Variants in TTC7B observed in about 807,000 individuals in gnomAD.
TTC7B encodes the protein tetratricopeptide repeat domain 7B, also known as tetratricopeptide repeat protein 7B.
Under a neutral mutation model 106.8 loss-of-function variants are expected in TTC7B, and 28 were observed. The observed-to-expected ratio is 0.26, with a 90% CI of 0.19 to 0.36. The LOEUF (loss-of-function observed/expected upper bound fraction) is 0.36, where lower values mean the gene tolerates loss of function less well. Ranked by LOEUF, TTC7B falls within the 10% of genes least tolerant of loss-of-function variation. TTC7B has a pLI of 1.00. For synonymous variants in TTC7B, 405 were observed against 430.6 expected, an observed-to-expected ratio of 0.94 and a Z score of 0.74; for missense variants, 862 against 1,076.4, an observed-to-expected ratio of 0.80 and a Z score of 2.79.
chr14:90,619,525 C>T (rs1893224049), intron 15 of TTC7B, among the ~76,000 whole-genome samples: 1 of 152,172 alleles, frequency 6.6e-6, no homozygotes, highest in Non-Finnish European at 1.5e-5. Context: ...CTTCTCTACT[C>T]AGTATGTGCC....
intron 15 of TTC7B, among the ~76,000 whole-genome samples, chr14:90,641,888 C>A (rs993076727): frequency 2.0e-5 from 3 of 151,842 alleles, no homozygotes; most frequent in Non-Finnish European, 4.4e-5. Context: ...AAGAAGGAAC[C>A]ATACCCTGGA....
At chr14:90,790,153 C>T (rs983772864) in intron 1 of TTC7B, among the ~76,000 whole-genome samples, 19 of 151,712 alleles carry the variant, frequency 1.3e-4, no homozygotes, top group Non-Finnish European at 2.2e-4. Context: ...TGTCTGTGTC[C>T]CTACAAAGAT....
At chr14:90,783,268 C>T (rs1340381447) in intron 2 of TTC7B, among the ~76,000 whole-genome samples, 1 of 152,222 alleles carries the variant, frequency 6.6e-6, no homozygotes, top group East Asian at 1.9e-4. Flanking sequence ...CTGGTCTTCC[C>T]AGCCTCAATT....
At position 90,663,565 on chromosome 14, in the gene TTC7B, C is replaced by T. The variant is rs924171993; in HGVS notation, c.1153-5178G>A. Among the ~76,000 whole-genome samples the T allele has an allele frequency of 1.3e-5, 2 of 152,170 alleles. No homozygotes were observed. The highest frequency in any genetic ancestry group is 2.1e-4 in the South Asian group (1 of 4,830). ...GATCCCACGATATCCACCAGCACCA[C>T]GGCAGCCAGTGGTGCCACGTCTCCA... On this transcript the variant is annotated intron_variant, in intron 9 of 19. Transcript: ENST00000328459. The surrounding 1 kb of genome is among the most constrained non-coding windows in gnomAD (Gnocchi z 4.5).
intron 5 of TTC7B, among the ~76,000 whole-genome samples, chr14:90,701,001 C>T (rs943452227): frequency 6.6e-6 from 1 of 151,950 alleles, no homozygotes; most frequent in Non-Finnish European, 1.5e-5. Context: ...TGTACATACT[C>T]TCCTCCTCAT....
In TTC7B at chr14:90,528,034, T is replaced by A. The variant is rs889499799; in HGVS notation, c.*13334A>T. The A allele has an allele frequency of 5.3e-5, 8 of 152,038 alleles. No homozygotes were observed. Among genetic ancestry groups the A allele is most frequent in the African/African-American group, 1.7e-4 (7 of 41,414 alleles). The allele number at this position is 152,038 out of a possible 1,614,324, so 9.4% of individuals were successfully genotyped here. ...CATTTATTGGTTGACAAGGTTGGCA[T>A]ATGTTGTATGAATAAGAGCTTCCGT... On this transcript the variant is annotated 3_prime_UTR_variant, in exon 20 of 20. Transcript: ENST00000328459.
chr14:90,733,869 G>C (rs1005144803), intron 4 of TTC7B, among the ~76,000 whole-genome samples: 8 of 152,122 alleles, frequency 5.3e-5, no homozygotes, highest in African/African-American at 1.9e-4. Flanking sequence ...CACAAGGTTG[G>C]TTTGAATTGC....
chr14:90,654,414 A>T (rs1057287880), intron 12 of TTC7B, among the ~76,000 whole-genome samples: 1 of 152,220 alleles, frequency 6.6e-6, no homozygotes, highest in Non-Finnish European at 1.5e-5. Context: ...AAACTTAAGT[A>T]TACAAGATTT....
chr14:90,650,477 C>T (rs1404954571), intron 13 of TTC7B, among the ~76,000 whole-genome samples: 1 of 152,178 alleles, frequency 6.6e-6, no homozygotes, highest in Admixed American at 6.5e-5. Context: ...ACGCTCAGTC[C>T]TCAAGAGATT....
chr14:90,669,205 A>C (rs1224560950), intron 9 of TTC7B, among the ~76,000 whole-genome samples: 2 of 152,182 alleles, frequency 1.3e-5, no homozygotes, highest in Non-Finnish European at 2.9e-5. Flanking sequence ...CCATATACAA[A>C]AAAACTATAA....
intron 1 of TTC7B, among the ~76,000 whole-genome samples, chr14:90,799,172 C>A (rs1304047323): frequency 6.6e-6 from 1 of 152,196 alleles, no homozygotes; most frequent in Non-Finnish European, 1.5e-5. Flanking sequence ...CCATCTGACT[C>A]ACCCAAGGGT....
intron 3 of TTC7B, among the ~76,000 whole-genome samples, chr14:90,768,389 C>G (rs944353061): frequency 6.6e-6 from 1 of 151,908 alleles, no homozygotes; most frequent in African/African-American, 2.4e-5. Context: ...GGAGAAACTT[C>G]CAAACACTTA....
rs183883139 is a variant in TTC7B, at chr14:90,709,610, A to T, written c.699-14032T>A. Among the ~76,000 whole-genome samples, 402 of 151,728 alleles carry T rather than the reference A, an allele frequency of 2.6e-3. 8 individuals are homozygous for T. The East Asian group carries it at 0.056, about 21-fold the overall frequency. ...TAAATGACGAGTTAATGGGTGCAGC[A>T]CACCAACATGGCACAAGTATACATA... is the stretch of plus-strand genomic sequence containing the variant. On this transcript the variant is annotated intron_variant, in intron 5 of 19. Transcript: ENST00000328459.
At chr14:90,611,802 C>G (rs896548414) in intron 16 of TTC7B, among the ~76,000 whole-genome samples, 1 of 152,184 alleles carries the variant, frequency 6.6e-6, no homozygotes, top group East Asian at 1.9e-4. Context: ...TTTTTAAATT[C>G]TAGGAGGCTC....
chr14:90,790,911 A>T (rs1467042660), intron 1 of TTC7B, among the ~76,000 whole-genome samples: 1 of 152,140 alleles, frequency 6.6e-6, no homozygotes, highest in Admixed American at 6.6e-5. Context: ...GGAACAGCAC[A>T]ACCAAAGCCA....
At position 90,617,997 on chromosome 14, in the gene TTC7B, G is replaced by A. The variant is rs754415730; in HGVS notation, c.1800C>T (p.Asp600=). ...VKLQSLCRGP[D]EALLTCKHML... ...TGTGCTTACAAGTCAGCAGTGCCTC[G>A]TCCGGGCCTCGGCAGAGTGACTGCA... Residue 600 remains aspartate (D), a synonymous_variant, in exon 16 of 20, where the codon GAC becomes GAT. Coordinates refer to ENST00000328459, the MANE Select transcript of TTC7B (RefSeq NM_001010854.2). 6.8e-6 allele frequency: 11 copies of A among 1,613,936 alleles called. No homozygotes were observed. Among genetic ancestry groups the A allele is most frequent in the Admixed American group, 3.3e-5 (2 of 60,012 alleles).
chr14:90,637,074 C>G (rs1354437925), intron 15 of TTC7B, among the ~76,000 whole-genome samples: 1 of 150,960 alleles, frequency 6.6e-6, no homozygotes, highest in East Asian at 1.9e-4. Context: ...AGTAAACCCA[C>G]AAGTGAGTTG....
intron 15 of TTC7B, among the ~76,000 whole-genome samples, chr14:90,625,564 A>G (rs1210328796): frequency 6.6e-6 from 1 of 152,164 alleles, no homozygotes; most frequent in Non-Finnish European, 1.5e-5. Context: ...CTGAAAATCA[A>G]TACCGTCACT....
intron 3 of TTC7B, among the ~76,000 whole-genome samples, chr14:90,747,507 C>A (rs894515000): frequency 6.6e-6 from 1 of 152,168 alleles, no homozygotes; most frequent in Admixed American, 6.5e-5. Flanking sequence ...AGAGAACACA[C>A]CCGAAGTCTC....
Sources: gnomAD v4.1 joint callset for allele counts (sites outside exome capture counted in the v4.1 genomes callset) on GRCh38, gnomAD v4.1.1 for gene constraint, Gnocchi (gnomAD v3.1) non-coding constraint, MANE v1.5 for transcripts, NCBI Gene and HGNC (gene_info 2026-07-23, HGNC 2026-07-21) for gene names.